COX7B2: variants seen among roughly 807,000 people sequenced by gnomAD.
COX7B2 encodes cytochrome c oxidase subunit 7B2, mitochondrial.
For missense variants in COX7B2, 109 were observed against 95.9 expected (o/e 1.14, Z -0.57); for synonymous variants, 37 against 32.1 (o/e 1.15, Z -0.51).
chr4:46,868,200 AT>A (rs1204482530), intron 1 of COX7B2, among the ~76,000 whole-genome samples: 2 of 151,910 alleles, frequency 1.3e-5, no homozygotes, highest in African/African-American at 4.8e-5. Flanking sequence ...GGCTAATTTT[AT>A]TTCTGTGGGG....
chr4:46,830,775 G>A (rs574243103), intron 2 of COX7B2, among the ~76,000 whole-genome samples: 4 of 152,308 alleles, frequency 2.6e-5, no homozygotes, highest in African/African-American at 9.6e-5. Flanking sequence ...AGGAACCTTG[G>A]CTGAAAGTCT....
chr4:46,866,529 C>T (rs1298040385), intron 1 of COX7B2, among the ~76,000 whole-genome samples: 1 of 152,152 alleles, frequency 6.6e-6, no homozygotes. Context: ...CACCATTGCT[C>T]CTCTGAGGGT....
At chr4:46,826,497 G>A (rs953560632) in intron 2 of COX7B2, among the ~76,000 whole-genome samples, 26 of 151,966 alleles carry the variant, frequency 1.7e-4, no homozygotes, top group African/African-American at 3.9e-4. Context: ...AATACCATTC[G>A]ACCCAACAAT....
chr4:46,763,333 T>C (rs1716339117), intron 2 of COX7B2, among the ~76,000 whole-genome samples: 2 of 149,908 alleles, frequency 1.3e-5, no homozygotes, highest in South Asian at 4.2e-4. Flanking sequence ...AGCTATTGCT[T>C]CTTTTCTCAT....
chr4:46,753,904 A>G (rs1715577984), intron 2 of COX7B2, among the ~76,000 whole-genome samples: 1 of 152,206 alleles, frequency 6.6e-6, no homozygotes, highest in Non-Finnish European at 1.5e-5. Context: ...TAGGCAGAGG[A>G]TATGAACAGA....
chr4:46,739,506 G>T (rs1714577799), intron 2 of COX7B2, among the ~76,000 whole-genome samples: 3 of 152,030 alleles, frequency 2.0e-5, no homozygotes. Context: ...GAAGCTTATG[G>T]TATAGTGGAG....
chr4:46,817,541 G>A (rs773144162), intron 2 of COX7B2, among the ~76,000 whole-genome samples: 71 of 151,682 alleles, frequency 4.7e-4, no homozygotes, highest in Non-Finnish European at 7.2e-4. Context: ...CCTTTAATTG[G>A]GCAACTTTAA....
At chr4:46,735,365 C>G in intron 2 of COX7B2, 124 bp from the exon 3 acceptor site, 4 of 687,038 alleles carry the variant, frequency 5.8e-6, no homozygotes, top group Non-Finnish European at 9.6e-6. Context: ...ATAACAATAT[C>G]TGAATTTGAA....
At chr4:46,784,091 G>A (rs566842160) in intron 2 of COX7B2, among the ~76,000 whole-genome samples, 49 of 152,122 alleles carry the variant, frequency 3.2e-4, no homozygotes, top group African/African-American at 9.2e-4. Flanking sequence ...CATCAGTTAC[G>A]TCACAACTCT....
chr4:46,748,222 T>C (rs1295802614), intron 2 of COX7B2, among the ~76,000 whole-genome samples: 1 of 152,214 alleles, frequency 6.6e-6, no homozygotes, highest in Non-Finnish European at 1.5e-5. Flanking sequence ...AAGTATGTCT[T>C]ACAACAATTG....
At chr4:46,858,636 G>C (rs1259237854) in intron 1 of COX7B2, among the ~76,000 whole-genome samples, 1 of 152,074 alleles carries the variant, frequency 6.6e-6, no homozygotes, top group Non-Finnish European at 1.5e-5. Context: ...TAATAATTTG[G>C]GGGGAGTAGG....
intron 1 of COX7B2, among the ~76,000 whole-genome samples, chr4:46,864,901 C>T (rs954042023): frequency 6.6e-6 from 1 of 152,152 alleles, no homozygotes; most frequent in Non-Finnish European, 1.5e-5. Flanking sequence ...GCCTCAGCCT[C>T]CCAAAGTGCT....
intron 1 of COX7B2, among the ~76,000 whole-genome samples, chr4:46,871,141 A>G (rs930634251): frequency 1.1e-4 from 17 of 152,168 alleles, no homozygotes; most frequent in Admixed American, 7.9e-4. Flanking sequence ...GTACAAAAAC[A>G]GACACATAGA....
intron 2 of COX7B2, among the ~76,000 whole-genome samples, chr4:46,799,474 A>G (rs1367132566): frequency 6.6e-6 from 1 of 152,170 alleles, no homozygotes; most frequent in Non-Finnish European, 1.5e-5. Context: ...TTTTACCTGT[A>G]TGATGCTGGC....
intron 2 of COX7B2, among the ~76,000 whole-genome samples, chr4:46,834,901 A>T (rs781318345): frequency 3.3e-5 from 5 of 152,116 alleles, no homozygotes; most frequent in Non-Finnish European, 7.4e-5. Context: ...ATTGACAACT[A>T]ATATGCTAGG....
chr4:46,743,357 A>G (rs1324949765), intron 2 of COX7B2, among the ~76,000 whole-genome samples: 1 of 152,180 alleles, frequency 6.6e-6, no homozygotes, highest in East Asian at 1.9e-4. Flanking sequence ...TCTAAAAAGG[A>G]CAAACCTCTG....
intron 2 of COX7B2, among the ~76,000 whole-genome samples, chr4:46,792,821 G>A (rs1436146613): frequency 6.6e-6 from 1 of 152,170 alleles, no homozygotes; most frequent in African/African-American, 2.4e-5. Context: ...TGACTCTGGG[G>A]TTTCTAGAAT....
Position 46,900,060 on chromosome 4 carries a change from A to ATT in COX7B2, c.-105+9099_-105+9100insAA, listed in dbSNP as rs56070090. On this transcript the variant is annotated intron_variant, in intron 1 of 2. Transcript: ENST00000355591. ...ATACCACAAGGATTAAATCTGTAGC[A>ATT]ATTTGTTTCCCTAATGATGGAGCTA... 8.6e-3 allele frequency among the ~76,000 whole-genome samples: 1,307 copies of ATT among 152,340 alleles called. 20 individuals are homozygous for ATT. Among genetic ancestry groups the ATT allele is most frequent in the South Asian group, 0.015 (74 of 4,832 alleles).
At chr4:46,901,993 CA>C (rs1283162979) in intron 1 of COX7B2, among the ~76,000 whole-genome samples, 1 of 152,234 alleles carries the variant, frequency 6.6e-6, no homozygotes, top group Non-Finnish European at 1.5e-5. Flanking sequence ...TCAGCCTCCA[CA>C]ATTGCATTAG....
Sources: allele counts gnomAD v4.1 joint callset (sites outside exome capture counted in the v4.1 genomes callset), GRCh38; gene constraint gnomAD v4.1.1; transcripts MANE v1.5; gene names NCBI Gene and HGNC (gene_info 2026-07-23, HGNC 2026-07-21).